Variants in TBC1D16 observed in about 807,000 individuals in gnomAD.
TBC1D16 encodes the protein TBC1 domain family member 16.
Under a neutral mutation model 74.7 loss-of-function variants are expected in TBC1D16, and 58 were observed. The ratio of observed to expected loss-of-function variants is 0.78; its 90% CI spans 0.63 to 0.97. The LOEUF (loss-of-function observed/expected upper bound fraction) is 0.97. Ranked by LOEUF, TBC1D16 falls within the 50% of genes least tolerant of loss-of-function variation. TBC1D16 has a pLI of 0.00. For missense variants in TBC1D16, 1,014 were observed against 1,079.5 expected, an observed-to-expected ratio of 0.94 and a Z score of 0.85; for synonymous variants, 493 against 474.7, an observed-to-expected ratio of 1.04 and a Z score of -0.50.
At chr17:79,960,811 G>GAAAAAAAAAAAAAAA (rs2033578708) in intron 3 of TBC1D16, among the ~76,000 whole-genome samples, 4 of 40,330 alleles carry the variant, frequency 9.9e-5, no homozygotes, top group African/African-American at 2.9e-4. Flanking sequence ...AAAAAAAAAC[G>GAAAAAAAAAAAAAAA]AAGGAATGAA....
rs1017740908 is a variant in TBC1D16 at position 79,983,658 on chromosome 17, C to A, written c.779+26502G>T. The stretch of plus-strand genomic sequence containing the variant: ...CTGCTTTAGGAGAGCAAGGAAGTGC[C>A]GCCCACGGCATTCCGGAAGGTGGTT... On this transcript the variant is annotated intron_variant, in intron 3 of 11. Transcript: ENST00000310924. The surrounding 1 kb of genome is among the most constrained non-coding windows in gnomAD (Gnocchi z 5.6). 6.6e-6 allele frequency among the ~76,000 whole-genome samples: 1 copy of A among 152,164 alleles called. No individual in the cohort carries two copies. Among genetic ancestry groups the A allele is most frequent in the Non-Finnish European group, 1.5e-5 (1 of 68,030 alleles).
At chr17:80,027,322 C>T (rs924568303) in intron 1 of TBC1D16, among the ~76,000 whole-genome samples, 5 of 151,918 alleles carry the variant, frequency 3.3e-5, no homozygotes, top group Admixed American at 6.6e-5. Flanking sequence ...ATTAGCTGGG[C>T]ATGGTGGCAT....
rs2032955868 is a variant in TBC1D16, at chr17:79,950,425, ACTC to A, written c.1240_1242del (p.Glu414del). On this transcript the variant is annotated inframe_deletion, in exon 6 of 12. Coordinates refer to ENST00000310924, the MANE Select transcript of TBC1D16 (RefSeq NM_019020.4). The surrounding 1 kb of genome is among the most constrained non-coding windows in gnomAD (Gnocchi z 4.6). ...CCGGACCTCACCTTCCGCAGCTTGTACTCCTCCTCCACCTGGCCCAGCTCATTC... is the reference window on the plus strand; with the variant it reads ...CCGGACCTCACCTTCCGCAGCTTGTACTCCTCCACCTGGCCCAGCTCATTC... The A allele has an allele frequency of 1.2e-6, 2 of 1,608,306 alleles. No individual in the cohort carries two copies. The highest frequency in any genetic ancestry group is 2.2e-5 in the East Asian group (1 of 44,638).
chr17:79,968,918 A>G (rs546051257), intron 3 of TBC1D16, among the ~76,000 whole-genome samples: 4 of 151,812 alleles, frequency 2.6e-5, no homozygotes, highest in Non-Finnish European at 5.9e-5. Context: ...CAAATCATAT[A>G]TCTGACAAGG....
intron 1 of TBC1D16, among the ~76,000 whole-genome samples, chr17:80,034,303 C>T (rs1598461394): frequency 6.7e-6 from 1 of 148,478 alleles, no homozygotes; most frequent in Non-Finnish European, 1.5e-5. Context: ...CGAGCTCAAG[C>T]GATTCCCCTG....
chr17:80,024,925 T>G (rs111171057), intron 1 of TBC1D16, among the ~76,000 whole-genome samples: 1 of 75,220 alleles, frequency 1.3e-5, no homozygotes, highest in African/African-American at 5.6e-5. Flanking sequence ...CCACACACCA[T>G]AGACACACAC....
chr17:79,938,448 A>G lies in TBC1D16; in HGVS notation c.*2411T>C, dbSNP rs559960712. 6.6e-6 allele frequency: 1 copy of G among 152,380 alleles called. No individual in the cohort carries two copies. The highest frequency in any genetic ancestry group is 1.9e-4 in the East Asian group (1 of 5,172). The allele number at this position is 152,380 out of a possible 1,614,324, so 9.4% of individuals were successfully genotyped here. A position where few individuals can be genotyped will look rare whatever the true frequency, so the allele number is the denominator to read the frequency against. On this transcript the variant is annotated 3_prime_UTR_variant, in exon 12 of 12. Transcript: ENST00000310924. ...TGTAGGGCCAGGAGACTCAGAAGGA[A>G]TGCCTTCTACTAGGACCTTCCCAAG...
Position 79,943,901 on chromosome 17 carries a change from G to GT in TBC1D16, c.1908+1006dup. On this transcript the variant is annotated intron_variant, in intron 10 of 11. Transcript: ENST00000310924. ...AGGCACGATTTTTTTTAATTCGGGA[G>GT]TGGTGGGAATGAAGCCTCTCAGACC... The GT allele has an allele frequency of 2.1e-6, 3 of 1,412,350 alleles. No individual in the cohort carries two copies. In the South Asian group the frequency reaches 4.5e-5, roughly 21 times the overall value. 87.5% of individuals were successfully genotyped at this position (1,412,350 alleles called of 1,614,324 possible).
At position 79,980,511 on chromosome 17, in the gene TBC1D16, C is replaced by T. The variant is rs903849692; in HGVS notation, c.780-27693G>A. On this transcript the variant is annotated intron_variant, in intron 3 of 11. Transcript: ENST00000310924. The surrounding 1 kb of genome is among the most constrained non-coding windows in gnomAD (Gnocchi z 7.0). ...CAGAAAAAGACACAGAACCCGCAGGCCCTGGAGGACCCTGAAGATCACCAG... is the reference window on the plus strand; with the variant it reads ...CAGAAAAAGACACAGAACCCGCAGGTCCTGGAGGACCCTGAAGATCACCAG... Among the ~76,000 whole-genome samples the T allele has an allele frequency of 2.0e-5, 3 of 152,182 alleles. No individual in the cohort carries two copies. The highest frequency in any genetic ancestry group is 3.9e-4 in the East Asian group (2 of 5,190).
In TBC1D16 at chr17:79,938,102, G is replaced by C. The variant is rs376774700; in HGVS notation, c.*2757C>G. 6.6e-6 allele frequency: 1 copy of C among 152,214 alleles called. No individual in the cohort carries two copies. Among genetic ancestry groups the C allele is most frequent in the Non-Finnish European group, 1.5e-5 (1 of 68,036 alleles). The allele number at this position is 152,214 out of a possible 1,614,324, so 9.4% of individuals were successfully genotyped here. A position where few individuals can be genotyped will look rare whatever the true frequency, so the allele number is the denominator to read the frequency against. On this transcript the variant is annotated 3_prime_UTR_variant, in exon 12 of 12. Transcript: ENST00000310924. The stretch of plus-strand genomic sequence containing the variant: ...CTGAATTATCGCCCTAATGCCTCTC[G>C]CTGGCTGGGAATAATCCCGGGGCAA...
In TBC1D16 at chr17:79,941,031, C is replaced by T. The variant is rs915251401; in HGVS notation, c.2132G>A (p.Gly711Glu). The T allele has an allele frequency of 6.2e-7, 1 of 1,607,910 alleles. No individual in the cohort carries two copies. The highest frequency in any genetic ancestry group is 8.5e-7 in the Non-Finnish European group (1 of 1,177,942). The change falls in exon 12 of 12, where the codon GGG (glycine) becomes GAG (glutamate). Residue 711 changes from glycine (G) to glutamate (E), a missense_variant. Transcript: ENST00000310924. The surrounding 1 kb of genome is among the most constrained non-coding windows in gnomAD (Gnocchi z 4.3). ...CSLHDLCKLC[G>E]SGMWDSGSMP... The stretch of plus-strand genomic sequence containing the variant: ...GGAGCCGCTGTCCCACATGCCTGAC[C>T]CGCACAGCTTACACAGATCGTGCAG...
chr17:80,024,442 C>CACATACT (rs2036427866), intron 1 of TBC1D16, among the ~76,000 whole-genome samples: 2 of 5,896 alleles, frequency 3.4e-4, no homozygotes, highest in African/African-American at 1.1e-3. Flanking sequence ...ACATCATAGA[C>CACATACT]ACACACACCA....
chr17:80,003,796 T>A (rs2035579379), intron 3 of TBC1D16, among the ~76,000 whole-genome samples: 1 of 152,202 alleles, frequency 6.6e-6, no homozygotes, highest in Non-Finnish European at 1.5e-5. Flanking sequence ...ATGCCTGTAA[T>A]CCCAGCACTT....
chr17:79,975,905 C>T lies in TBC1D16; in HGVS notation c.780-23087G>A, dbSNP rs555596769. Among the ~76,000 whole-genome samples the T allele has an allele frequency of 1.1e-3, 170 of 152,314 alleles. No individual in the cohort carries two copies. Among genetic ancestry groups the T allele is most frequent in the African/African-American group, 3.8e-3 (158 of 41,580 alleles). On this transcript the variant is annotated intron_variant, in intron 3 of 11. Coordinates refer to ENST00000310924, the MANE Select transcript of TBC1D16 (RefSeq NM_019020.4). The surrounding 1 kb of genome is among the most constrained non-coding windows in gnomAD (Gnocchi z 4.5). ...AGCAGCAGCTCCGGCAGGCGGCTCT[C>T]CAGGCCACGAGATGGGCACAGACCT... is the stretch of plus-strand genomic sequence containing the variant.
At chr17:79,978,130 A>T (rs554219524) in intron 3 of TBC1D16, among the ~76,000 whole-genome samples, 12 of 152,100 alleles carry the variant, frequency 7.9e-5, no homozygotes, top group Non-Finnish European at 1.3e-4. Context: ...GACATCCCGC[A>T]TGCACCGAGA....
rs898162770 is a variant in TBC1D16, at chr17:80,010,511, A to C, written c.428T>G (p.Val143Gly). 1 of 1,611,052 alleles carries C rather than the reference A, an allele frequency of 6.2e-7. No individual in the cohort carries two copies. The highest frequency in any genetic ancestry group is 8.5e-7 in the Non-Finnish European group (1 of 1,178,898). ...GCGGTCTGGAACACTCTGGGCCACCACCAGGATGTCCTCATCTTTGGGGGT... is the reference window on the plus strand; with the variant it reads ...GCGGTCTGGAACACTCTGGGCCACCCCCAGGATGTCCTCATCTTTGGGGGT... ...TLTPKDEDIL[V>G]VAQSVPDRML... Residue 143 changes from valine to glycine, a missense_variant, in exon 3 of 12, where the codon GTG becomes GGG. Val to Gly is a moderately radical substitution (Grantham distance 109). Transcript: ENST00000310924. The surrounding 1 kb of genome is among the most constrained non-coding windows in gnomAD (Gnocchi z 8.8).
rs563524691 is a variant in TBC1D16 at position 80,005,826 on chromosome 17, C to A, written c.779+4334G>T. Among the ~76,000 whole-genome samples, 6 of 152,242 alleles carry A rather than the reference C, an allele frequency of 3.9e-5. No homozygotes were observed. In the East Asian group the frequency reaches 1.2e-3, roughly 29 times the overall value. On this transcript the variant is annotated intron_variant, in intron 3 of 11. Coordinates refer to ENST00000310924, the MANE Select transcript of TBC1D16 (RefSeq NM_019020.4). ...ACGAATGTGGGCAGCCCGGGGGATA[C>A]TGCCATTTCTAACCCCTAAGCTCTT...
chr17:79,957,463 C>T (rs927931144), intron 3 of TBC1D16, among the ~76,000 whole-genome samples: 11 of 152,196 alleles, frequency 7.2e-5, no homozygotes, highest in Non-Finnish European at 1.5e-4. Context: ...AGGCTGCACC[C>T]TGTGGGATTC....
intron 1 of TBC1D16, among the ~76,000 whole-genome samples, chr17:80,014,020 T>C (rs1038114966): frequency 1.3e-5 from 2 of 152,098 alleles, no homozygotes; most frequent in African/African-American, 4.8e-5. Context: ...TTTCTCAGTT[T>C]CCCACCTGCA....
Sources: gnomAD v4.1 joint callset for allele counts (sites outside exome capture counted in the v4.1 genomes callset) on GRCh38, gnomAD v4.1.1 for gene constraint, Gnocchi (gnomAD v3.1) non-coding constraint, MANE v1.5 for transcripts, NCBI Gene and HGNC (gene_info 2026-07-23, HGNC 2026-07-21) for gene names.